DPYSL2: variants seen among roughly 807,000 people sequenced by gnomAD.
DPYSL2 encodes the protein dihydropyrimidinase like 2, also known as dihydropyrimidinase-related protein 2.
In DPYSL2, 13 loss-of-function variants were observed where a neutral mutation model predicts 69.9. That is an observed-to-expected ratio of 0.19 (90% CI 0.12 to 0.30). DPYSL2 has a LOEUF of 0.30. Ranked by LOEUF, DPYSL2 falls within the 10% of genes least tolerant of loss-of-function variation. The pLI is 1.00. For synonymous variants in DPYSL2, 326 were observed against 359.1 expected (o/e 0.91, Z 1.04); for missense variants, 587 against 918.9 (o/e 0.64, Z 4.67).
intron 1 of DPYSL2, among the ~76,000 whole-genome samples, chr8:26,550,670 T>C (rs1166665450): frequency 1.3e-5 from 2 of 152,140 alleles, no homozygotes; most frequent in Non-Finnish European, 2.9e-5. Context: ...AGATGACAAG[T>C]GGCTTATTAG....
At chr8:26,543,774 A>C (rs1478385911) in intron 1 of DPYSL2, among the ~76,000 whole-genome samples, 1 of 152,102 alleles carries the variant, frequency 6.6e-6, no homozygotes, top group Non-Finnish European at 1.5e-5. Flanking sequence ...GGCGTGAGCC[A>C]CCGCGCCTGG....
At chr8:26,651,977 T>C (rs1292335953) in intron 11 of DPYSL2, among the ~76,000 whole-genome samples, 1 of 152,256 alleles carries the variant, frequency 6.6e-6, no homozygotes, top group Non-Finnish European at 1.5e-5. Context: ...TCATTTTCTT[T>C]ATATTTGTGT....
rs551832788 is a variant in DPYSL2, at chr8:26,582,440, A to G, written c.443+383A>G. On this transcript the variant is annotated intron_variant, in intron 2 of 13. Coordinates refer to ENST00000521913, the MANE Select transcript of DPYSL2 (RefSeq NM_001197293.3). The surrounding 1 kb of genome is among the most constrained non-coding windows in gnomAD (Gnocchi z 4.1). ...GCAAACGTGAAAGACAGTCTCCTCTATTGAGACAGCACATCTGCTTTCTTC... is the reference window on the plus strand; with the variant it reads ...GCAAACGTGAAAGACAGTCTCCTCTGTTGAGACAGCACATCTGCTTTCTTC... Among the ~76,000 whole-genome samples the G allele has an allele frequency of 1.1e-4, 16 of 152,350 alleles. No individual in the cohort carries two copies. The highest frequency in any genetic ancestry group is 3.4e-3 in the Middle Eastern group (1 of 294).
chr8:26,623,310 A>T (rs568132447), intron 3 of DPYSL2, among the ~76,000 whole-genome samples: 2 of 152,364 alleles, frequency 1.3e-5, no homozygotes, highest in Admixed American at 6.5e-5. Flanking sequence ...TTGAATCTTT[A>T]TCTGAAGAGC....
intron 3 of DPYSL2, among the ~76,000 whole-genome samples, chr8:26,596,347 G>A (rs1801861092): frequency 6.6e-6 from 1 of 152,196 alleles, no homozygotes; most frequent in African/African-American, 2.4e-5. Flanking sequence ...AAAAATGATT[G>A]CAGGACAGCA....
At chr8:26,622,795 A>T (rs1001879139) in intron 3 of DPYSL2, among the ~76,000 whole-genome samples, 2 of 152,152 alleles carry the variant, frequency 1.3e-5, no homozygotes, top group Admixed American at 6.5e-5. Flanking sequence ...ACATATACAA[A>T]TCCAAGCCCA....
intron 3 of DPYSL2, among the ~76,000 whole-genome samples, chr8:26,623,168 T>C (rs951543701): frequency 6.6e-6 from 1 of 152,014 alleles, no homozygotes; most frequent in South Asian, 2.1e-4. Context: ...AGGCAGCAGG[T>C]AGATATTTTA....
At chr8:26,515,066 G>T (rs777311454) in intron 1 of DPYSL2, among the ~76,000 whole-genome samples, 26 of 152,194 alleles carry the variant, frequency 1.7e-4, no homozygotes, top group Non-Finnish European at 2.4e-4. Context: ...TTTTTGAGCG[G>T]CTCAGAGCGT....
At chr8:26,655,039 G>A (rs540807002) in intron 13 of DPYSL2, among the ~76,000 whole-genome samples, 3 of 151,476 alleles carry the variant, frequency 2.0e-5, no homozygotes, top group East Asian at 3.9e-4. Flanking sequence ...GTAGAGATAG[G>A]CTCTCACTGT....
At chr8:26,536,478 C>G (rs941452796) in intron 1 of DPYSL2, among the ~76,000 whole-genome samples, 6 of 152,032 alleles carry the variant, frequency 3.9e-5, no homozygotes, top group African/African-American at 1.4e-4. Context: ...CGAGACCAGC[C>G]TGGTTAACAT....
chr8:26,557,773 A>T (rs1444911717), intron 1 of DPYSL2, among the ~76,000 whole-genome samples: 1 of 151,970 alleles, frequency 6.6e-6, no homozygotes, highest in East Asian at 1.9e-4. Context: ...TGGGTGACAA[A>T]GAAGACTTTT....
intron 1 of DPYSL2, among the ~76,000 whole-genome samples, chr8:26,520,731 A>G (rs558230062): frequency 1.3e-5 from 2 of 152,316 alleles, no homozygotes; most frequent in South Asian, 2.1e-4. Flanking sequence ...TGTGACAACA[A>G]ATTACCATGA....
rs1803256001 is a variant in DPYSL2, at chr8:26,650,321, C to CTCTA, written c.1597-1935_1597-1932dup. 6.6e-6 allele frequency among the ~76,000 whole-genome samples: 1 copy of CTCTA among 152,186 alleles called. No homozygotes were observed. The highest frequency in any genetic ancestry group is 1.9e-4 in the East Asian group (1 of 5,182). ...CTCCATGGCCGAGGCTGCGCCCATA[C>CTCTA]TCTACCCAGTAGGGCACAAGAGGAG... is the stretch of plus-strand genomic sequence containing the variant. On this transcript the variant is annotated intron_variant, in intron 11 of 13. Coordinates refer to ENST00000521913, the MANE Select transcript of DPYSL2 (RefSeq NM_001197293.3). The surrounding 1 kb of genome is among the most constrained non-coding windows in gnomAD (Gnocchi z 5.3).
At chr8:26,611,981 G>A (rs1415850412) in intron 3 of DPYSL2, among the ~76,000 whole-genome samples, 1 of 152,248 alleles carries the variant, frequency 6.6e-6, no homozygotes, top group African/African-American at 2.4e-5. Flanking sequence ...TGGGAGAAGG[G>A]TTGAGAGGGC....
chr8:26,514,635 C>T lies in DPYSL2; in HGVS notation c.310C>T (p.Arg104Trp), dbSNP rs1808243294. 1 of 1,281,730 alleles carries T rather than the reference C, an allele frequency of 7.8e-7. No homozygotes were observed. The highest frequency in any genetic ancestry group is 1.6e-5 in the African/African-American group (1 of 62,652). 79.4% of individuals were successfully genotyped at this position (1,281,730 alleles called of 1,614,324 possible). The change falls in exon 1 of 14, where the codon CGG (arginine) becomes TGG (tryptophan). Residue 104 changes from arginine (R) to tryptophan (W), a missense_variant. By Grantham distance (101) the Arg-to-Trp change is moderately radical. Around this residue, in one of 3 missense-constraint regions of DPYSL2, gnomAD observed 85 missense variants for 77.7 expected, o/e 1.09. Transcript: ENST00000521913. The surrounding 1 kb of genome is among the most constrained non-coding windows in gnomAD (Gnocchi z 8.4). ...TGAATCGGGCCGGAAGGTGGAGATC[C>T]GGAGGGCCTCGGGCAAAGAAGCCCT... ...SVESGRKVEIRRASGKEALQN... is the reference protein window; with the variant it reads ...SVESGRKVEIWRASGKEALQN...
At chr8:26,526,030 C>T (rs1304732063) in intron 1 of DPYSL2, among the ~76,000 whole-genome samples, 1 of 152,080 alleles carries the variant, frequency 6.6e-6, no homozygotes, top group East Asian at 1.9e-4. Flanking sequence ...TGTTTTGTTA[C>T]TATAGTGAAC....
chr8:26,577,208 G>C (rs908221114), intron 1 of DPYSL2: 1 of 430,116 alleles, frequency 2.3e-6, no homozygotes, highest in Non-Finnish European at 4.6e-6. Flanking sequence ...CGTCTCTGCA[G>C]CCTCCCCCCG....
At chr8:26,616,238 T>C (rs1203189642) in intron 3 of DPYSL2, among the ~76,000 whole-genome samples, 1 of 152,126 alleles carries the variant, frequency 6.6e-6, no homozygotes, top group Non-Finnish European at 1.5e-5. Flanking sequence ...GGGCAGGTGC[T>C]TTCTCCTCCT....
At chr8:26,543,823 G>C (rs1800722298) in intron 1 of DPYSL2, among the ~76,000 whole-genome samples, 1 of 152,066 alleles carries the variant, frequency 6.6e-6, no homozygotes, top group South Asian at 2.1e-4. Flanking sequence ...GTTTGCTCAG[G>C]GTGTTCCTAT....
Sources: allele counts gnomAD v4.1 joint callset (sites outside exome capture counted in the v4.1 genomes callset), GRCh38; gene constraint gnomAD v4.1.1; regional missense constraint gnomAD v4.1.1; non-coding constraint Gnocchi (gnomAD v3.1); transcripts MANE v1.5; gene names NCBI Gene and HGNC (gene_info 2026-07-23, HGNC 2026-07-21).